Variants in MED4 observed in about 807,000 individuals in gnomAD.
MED4 encodes mediator of RNA polymerase II transcription subunit 4.
A neutral mutation model predicts 35.0 loss-of-function variants in MED4; 21 were observed. The ratio of observed to expected loss-of-function variants is 0.60; its 90% CI spans 0.43 to 0.86. The LOEUF (loss-of-function observed/expected upper bound fraction) is 0.86, where lower values mean the gene tolerates loss of function less well. Ranked by LOEUF, MED4 falls within the 40% of genes least tolerant of loss-of-function variation. The pLI is 0.00. For synonymous variants in MED4, 138 were observed against 114.0 expected (o/e 1.21, Z -1.34); for missense variants, 300 against 319.4 (o/e 0.94, Z 0.46).
At chr13:48,082,991 G>C (rs1408122222) in intron 4 of MED4, among the ~76,000 whole-genome samples, 1 of 152,206 alleles carries the variant, frequency 6.6e-6, no homozygotes, top group Non-Finnish European at 1.5e-5. Context: ...TGATGTTTCA[G>C]TCCCAGCGCA....
intron 1 of MED4, among the ~76,000 whole-genome samples, chr13:48,094,016 G>T (rs73189762): frequency 0.016 from 2,448 of 152,286 alleles, 23 homozygotes; most frequent in Non-Finnish European, 0.025. Context: ...GTGGAAGTCT[G>T]ACTAAAGAAT....
At chr13:48,093,724 T>C (rs1255181575) in intron 1 of MED4, 1 of 257,896 alleles carries the variant, frequency 3.9e-6, no homozygotes, top group Non-Finnish European at 8.2e-6. Context: ...ATCAAACACA[T>C]AAGCCATTTA....
chr13:48,081,122 C>T (rs917721838), intron 5 of MED4, among the ~76,000 whole-genome samples: 3 of 152,240 alleles, frequency 2.0e-5, no homozygotes, highest in Non-Finnish European at 4.4e-5. Flanking sequence ...TGCTACCTTA[C>T]GTCTCCTGTT....
chr13:48,077,245 T>C lies in MED4; in HGVS notation c.707A>G (p.His236Arg). The change falls in exon 7 of 7, where the codon CAT becomes CGT. Residue 236 changes from histidine (H) to arginine (R), a missense_variant. By Grantham distance (29) the His-to-Arg change is conservative (BLOSUM62 0). Transcript: ENST00000258648. ...AGGTTCCAACAAAAAGTCACTACTA[T>C]GATTTGGTGGTAACATATTCATCGA... ...DMSMNMLPPN[H>R]SSDFLLEPPG... 6.3e-7 allele frequency: 1 copy of C among 1,595,410 alleles called. No homozygotes were observed.
chr13:48,088,261 A>G (rs1950866823), intron 2 of MED4, among the ~76,000 whole-genome samples: 1 of 152,348 alleles, frequency 6.6e-6, no homozygotes, highest in Admixed American at 6.5e-5. Flanking sequence ...ATTCAGAATC[A>G]ATTTTAAAAC....
chr13:48,079,762 T>C (rs1349641118), intron 6 of MED4, 82 bp downstream of exon 6: 12 of 1,501,720 alleles, frequency 8.0e-6, no homozygotes, highest in Admixed American at 2.1e-5. Flanking sequence ...AATCTCAAAC[T>C]TGCTTTACCG....
At chr13:48,087,554 A>C (rs1262397842) in intron 2 of MED4, among the ~76,000 whole-genome samples, 2 of 150,904 alleles carry the variant, frequency 1.3e-5, no homozygotes, top group African/African-American at 4.9e-5. Flanking sequence ...GATGATCTTA[A>C]AAATACGGTG....
intron 2 of MED4, among the ~76,000 whole-genome samples, chr13:48,087,485 A>G (rs937340922): frequency 1.3e-5 from 2 of 152,190 alleles, no homozygotes; most frequent in Non-Finnish European, 2.9e-5. Flanking sequence ...GCTAATATAT[A>G]TTAGAAAAAA....
chr13:48,089,875 C>A (rs1447498712), intron 2 of MED4, among the ~76,000 whole-genome samples: 1 of 152,148 alleles, frequency 6.6e-6, no homozygotes, highest in Non-Finnish European at 1.5e-5. Context: ...GAAAAGTGAG[C>A]AAATAAAAAC....
Position 48,077,092 on chromosome 13 carries a change from A to G in MED4, c.*47T>C. 6.8e-7 allele frequency: 1 copy of G among 1,474,782 alleles called. No individual in the cohort carries two copies. Among genetic ancestry groups the G allele is most frequent in the Non-Finnish European group, 9.1e-7 (1 of 1,099,246 alleles). The allele number at this position is 1,474,782 out of a possible 1,614,324, so 91.4% of individuals were successfully genotyped here. A position where few individuals can be genotyped will look rare whatever the true frequency, so the allele number is the denominator to read the frequency against. The stretch of plus-strand genomic sequence containing the variant: ...ACATTTCCCTGCTACTGTTAAAGAA[A>G]CAGAATTCTACAGTATTCAATTCTG... On this transcript the variant is annotated 3_prime_UTR_variant, in exon 7 of 7. Transcript: ENST00000258648.
At chr13:48,083,454 G>A (rs371766396) in intron 3 of MED4, 26 bp from the exon 4 acceptor site, 87 of 1,602,692 alleles carry the variant, frequency 5.4e-5, no homozygotes, top group Non-Finnish European at 6.7e-5. Flanking sequence ...TTTAAAAAAC[G>A]TGGTTTATTC....
chr13:48,087,481 A>T (rs1376501939), intron 2 of MED4, among the ~76,000 whole-genome samples: 1 of 152,180 alleles, frequency 6.6e-6, no homozygotes, highest in African/African-American at 2.4e-5. Flanking sequence ...TTGTGCTAAT[A>T]TATATTAGAA....
At chr13:48,089,799 C>A (rs1950877976) in intron 2 of MED4, among the ~76,000 whole-genome samples, 1 of 152,010 alleles carries the variant, frequency 6.6e-6, no homozygotes, top group South Asian at 2.1e-4. Context: ...TATCCTCTTA[C>A]CTCTAAAAAA....
chr13:48,077,824 T>G (rs1400005250), intron 6 of MED4, among the ~76,000 whole-genome samples: 1 of 152,252 alleles, frequency 6.6e-6, no homozygotes, highest in Non-Finnish European at 1.5e-5. Flanking sequence ...CATACTACTC[T>G]GTAAGAAACT....
chr13:48,083,968 G>A (rs1387207511), intron 3 of MED4, among the ~76,000 whole-genome samples: 1 of 152,048 alleles, frequency 6.6e-6, no homozygotes, highest in Non-Finnish European at 1.5e-5. Context: ...GTGGTTAAGA[G>A]TATGGAGTCA....
intron 3 of MED4, among the ~76,000 whole-genome samples, chr13:48,085,495 T>C (rs781722780): frequency 1.7e-4 from 26 of 152,168 alleles, no homozygotes; most frequent in Non-Finnish European, 1.3e-4. Context: ...CCGGCCTGAT[T>C]TTAATATATT....
At chr13:48,084,358 TA>T (rs1265136497) in intron 3 of MED4, among the ~76,000 whole-genome samples, 1 of 152,016 alleles carries the variant, frequency 6.6e-6, no homozygotes, top group Non-Finnish European at 1.5e-5. Flanking sequence ...GCAAGTTAGT[TA>T]TTAAAGTATT....
At chr13:48,093,345 T>C (rs1218726850) in intron 1 of MED4, among the ~76,000 whole-genome samples, 1 of 152,122 alleles carries the variant, frequency 6.6e-6, no homozygotes, top group African/African-American at 2.4e-5. Context: ...AACTAATAAA[T>C]ATCCCGAAAG....
Position 48,076,868 on chromosome 13 carries a change from G to A in MED4, c.*271C>T. Reference sequence around the variant, plus strand: ...GTACAAATCCAGCAAAACTGGAACAGAACAGGGTAAGAAAGCACATAGCAA... The same window carrying A: ...GTACAAATCCAGCAAAACTGGAACAAAACAGGGTAAGAAAGCACATAGCAA... On this transcript the variant is annotated 3_prime_UTR_variant, in exon 7 of 7. Transcript: ENST00000258648. 1 of 307,878 alleles carries A rather than the reference G, an allele frequency of 3.2e-6. No individual in the cohort carries two copies. Among genetic ancestry groups the A allele is most frequent in the Admixed American group, 4.7e-5 (1 of 21,216 alleles). The allele number at this position is 307,878 out of a possible 1,614,324, so 19.1% of individuals were successfully genotyped here.
Sources: allele counts gnomAD v4.1 joint callset (sites outside exome capture counted in the v4.1 genomes callset), GRCh38; gene constraint gnomAD v4.1.1; transcripts MANE v1.5; gene names NCBI Gene and HGNC (gene_info 2026-07-23, HGNC 2026-07-21).